The following CPE variants were observed in gnomAD, a reference collection of about 807,000 sequenced individuals.
CPE encodes carbocypeptidase E.
CPE carries 17 observed loss-of-function variants against 53.5 expected under a neutral mutation model. The ratio of observed to expected loss-of-function variants is 0.32; its 90% CI spans 0.22 to 0.48. The LOEUF (loss-of-function observed/expected upper bound fraction) is 0.48. CPE is among the 20% of genes least tolerant of loss of function. The pLI is 0.99. For missense variants in CPE, 524 were observed against 614.7 expected, an observed-to-expected ratio of 0.85 and a Z score of 1.56; for synonymous variants, 226 against 228.8, an observed-to-expected ratio of 0.99 and a Z score of 0.11.
At position 165,487,353 on chromosome 4, in the gene CPE, C is replaced by G. The variant is rs1031247955; in HGVS notation, c.974-85C>G. 5.1e-6 allele frequency: 8 copies of G among 1,557,144 alleles called. No individual in the cohort carries two copies. In the African/African-American group the frequency reaches 8.2e-5, roughly 16 times the overall value. ...AATGCCCTGGTTTGTGTACCTTTTA[C>G]TTGGTTCTTGATTCAGAAGACTAGC... On this transcript the variant is annotated intron_variant, in intron 5 of 8. Transcript: ENST00000402744.
At chr4:165,405,889 A>G (rs1579246656) in intron 1 of CPE, 2 of 736,282 alleles carry the variant, frequency 2.7e-6, no homozygotes, top group East Asian at 2.6e-5. Context: ...TTTTGTTGCT[A>G]TTTTATATTG....
At chr4:165,444,228 C>A (rs779381884) in intron 1 of CPE, among the ~76,000 whole-genome samples, 8 of 152,046 alleles carry the variant, frequency 5.3e-5, no homozygotes, top group Non-Finnish European at 1.0e-4. Flanking sequence ...TAACCTTGCC[C>A]AAAGTTTAAC....
At chr4:165,416,276 C>G (rs983355471) in intron 1 of CPE, among the ~76,000 whole-genome samples, 2 of 152,186 alleles carry the variant, frequency 1.3e-5, no homozygotes, top group Non-Finnish European at 2.9e-5. Context: ...TCCTCTGGCC[C>G]TGACTCTGCC....
At chr4:165,400,007 A>G (rs933438731) in intron 1 of CPE, among the ~76,000 whole-genome samples, 6 of 152,364 alleles carry the variant, frequency 3.9e-5, no homozygotes, top group Admixed American at 3.9e-4. Context: ...AGAGGAAGCA[A>G]AATCTTTACA....
At chr4:165,432,541 C>T (rs938509867) in intron 1 of CPE, among the ~76,000 whole-genome samples, 3 of 152,174 alleles carry the variant, frequency 2.0e-5, no homozygotes, top group African/African-American at 7.2e-5. Context: ...AGCAATTCTC[C>T]TGCCTTGGCC....
chr4:165,455,913 A>G (rs970185821), intron 1 of CPE, among the ~76,000 whole-genome samples: 9 of 152,292 alleles, frequency 5.9e-5, no homozygotes, highest in South Asian at 2.1e-4. Context: ...TTGGCCTCCC[A>G]AAGTGCTGGG....
intron 1 of CPE, among the ~76,000 whole-genome samples, chr4:165,407,469 C>T (rs1237280055): frequency 6.6e-6 from 1 of 150,564 alleles, no homozygotes; most frequent in East Asian, 1.9e-4. Context: ...TTCCTGGGCT[C>T]AAGGGATTCT....
intron 1 of CPE, among the ~76,000 whole-genome samples, chr4:165,443,131 G>C (rs1347647912): frequency 6.6e-6 from 1 of 152,152 alleles, no homozygotes; most frequent in African/African-American, 2.4e-5. Context: ...TCATTTTTGA[G>C]GGTTCCCTGG....
chr4:165,428,261 T>G (rs1182670226), intron 1 of CPE, among the ~76,000 whole-genome samples: 1 of 152,180 alleles, frequency 6.6e-6, no homozygotes, highest in East Asian at 1.9e-4. Flanking sequence ...CTCACTTTGT[T>G]GACTCATCTC....
intron 1 of CPE, among the ~76,000 whole-genome samples, chr4:165,425,661 A>G (rs1579255648): frequency 3.1e-5 from 1 of 31,962 alleles, no homozygotes; most frequent in Non-Finnish European, 5.8e-5. Flanking sequence ...TATTTCCTCA[A>G]AAAAAAAAAA....
intron 6 of CPE, among the ~76,000 whole-genome samples, chr4:165,491,035 C>T (rs1009068633): frequency 1.3e-5 from 2 of 152,164 alleles, no homozygotes; most frequent in Non-Finnish European, 1.5e-5. Flanking sequence ...GTTGACACAG[C>T]CCATACACTT....
rs191853597 is a variant in CPE at position 165,476,604 on chromosome 4, T to G, written c.673-5638T>G. 4.8e-4 allele frequency among the ~76,000 whole-genome samples: 73 copies of G among 152,262 alleles called. No homozygotes were observed. In the East Asian group the frequency reaches 8.7e-3, roughly 18 times the overall value. ...AATCTATTGGGAGACTGCCTTTCGCTGGCGCCTGCTGCAACCAATTATTAT... is the reference window on the plus strand; with the variant it reads ...AATCTATTGGGAGACTGCCTTTCGCGGGCGCCTGCTGCAACCAATTATTAT... On this transcript the variant is annotated intron_variant, in intron 3 of 8. Transcript: ENST00000402744.
At chr4:165,453,661 A>G (rs1731852078) in intron 1 of CPE, among the ~76,000 whole-genome samples, 1 of 152,194 alleles carries the variant, frequency 6.6e-6, no homozygotes, top group African/African-American at 2.4e-5. Context: ...CTGAGATTAC[A>G]GGCATGAGCC....
intron 1 of CPE, chr4:165,404,431 A>G: frequency 1.3e-6 from 1 of 765,154 alleles, no homozygotes; most frequent in Non-Finnish European, 2.4e-6. Context: ...TATTCTTCAC[A>G]CTCTCCTGAT....
At chr4:165,454,128 A>G (rs1032647684) in intron 1 of CPE, among the ~76,000 whole-genome samples, 1 of 152,170 alleles carries the variant, frequency 6.6e-6, no homozygotes, top group Non-Finnish European at 1.5e-5. Context: ...TTTCCTGAAA[A>G]TTAAAAAAGC....
intron 1 of CPE, among the ~76,000 whole-genome samples, chr4:165,382,892 T>C (rs942681701): frequency 1.3e-5 from 2 of 152,224 alleles, no homozygotes; most frequent in African/African-American, 4.8e-5. Flanking sequence ...GAATTGGTCA[T>C]TGAGGAATAG....
chr4:165,473,485 C>T (rs1037480389), intron 3 of CPE, among the ~76,000 whole-genome samples: 1 of 152,232 alleles, frequency 6.6e-6, no homozygotes, highest in Non-Finnish European at 1.5e-5. Flanking sequence ...GTTATCCCCC[C>T]TCAAGAGATT....
At chr4:165,456,714 A>T (rs1268513537) in intron 1 of CPE, among the ~76,000 whole-genome samples, 1 of 143,538 alleles carries the variant, frequency 7.0e-6, no homozygotes, top group Non-Finnish European at 1.5e-5. Context: ...CTGGGACTAC[A>T]GGCGTGCACC....
chr4:165,443,889 G>T (rs1264407755), intron 1 of CPE, among the ~76,000 whole-genome samples: 1 of 152,120 alleles, frequency 6.6e-6, no homozygotes, highest in African/African-American at 2.4e-5. Context: ...TGGGATTAGT[G>T]CCCTTACAAT....
Sources: allele counts gnomAD v4.1 joint callset (sites outside exome capture counted in the v4.1 genomes callset), GRCh38; gene constraint gnomAD v4.1.1; transcripts MANE v1.5; gene names NCBI Gene and HGNC (gene_info 2026-07-23, HGNC 2026-07-21).